SPATA17: variants seen among roughly 807,000 people sequenced by gnomAD.
The protein encoded by SPATA17 is spermatogenesis-associated protein 17.
In SPATA17, 53 loss-of-function variants were observed where a neutral mutation model predicts 62.2. The observed-to-expected ratio is 0.85, with a 90% CI of 0.68 to 1.07. The LOEUF (loss-of-function observed/expected upper bound fraction) is 1.07. Ranked by LOEUF, SPATA17 falls within the 50% of genes least tolerant of loss-of-function variation. The pLI is 0.00. For missense variants in SPATA17, 466 were observed against 425.5 expected, an observed-to-expected ratio of 1.10 and a Z score of -0.84; for synonymous variants, 146 against 146.8, an observed-to-expected ratio of 0.99 and a Z score of 0.04.
intron 5 of SPATA17, among the ~76,000 whole-genome samples, chr1:217,689,910 T>C (rs908773332): frequency 2.0e-5 from 3 of 151,342 alleles, no homozygotes; most frequent in Non-Finnish European, 4.4e-5. Flanking sequence ...TCTTTTTCTT[T>C]TTTTTTTTTT....
At chr1:217,828,498 C>CTTTTTTTTTTTTTTTTTTTTTTTTTTTTT (rs1285975400) in intron 9 of SPATA17, among the ~76,000 whole-genome samples, 1 of 138,250 alleles carries the variant, frequency 7.2e-6, no homozygotes, top group Non-Finnish European at 1.6e-5. Flanking sequence ...GGTAGAACTT[C>CTTTTTTTTTTTTTTTTTTTTTTTTTTTTT]TTTGATATTG....
intron 5 of SPATA17, among the ~76,000 whole-genome samples, chr1:217,735,727 G>T (rs1048494315): frequency 2.6e-5 from 4 of 152,054 alleles, no homozygotes; most frequent in African/African-American, 4.8e-5. Context: ...TGGAGGTTTT[G>T]TGTTTTTTGT....
chr1:217,700,809 T>C (rs1479563527), intron 5 of SPATA17, among the ~76,000 whole-genome samples: 1 of 150,120 alleles, frequency 6.7e-6, no homozygotes, highest in Non-Finnish European at 1.5e-5. Context: ...TTTCACCATG[T>C]TGGCCAGGCT....
chr1:217,772,975 G>A (rs568967497), intron 6 of SPATA17, among the ~76,000 whole-genome samples: 42 of 151,310 alleles, frequency 2.8e-4, no homozygotes, highest in African/African-American at 1.0e-3. Context: ...CATTTGGGAT[G>A]GGACGTTGCA....
intron 5 of SPATA17, among the ~76,000 whole-genome samples, chr1:217,720,511 T>C (rs1257843267): frequency 2.6e-5 from 4 of 152,144 alleles, no homozygotes; most frequent in African/African-American, 7.2e-5. Context: ...TTACCAGTGA[T>C]AACTAAAGGC....
chr1:217,808,630 G>T (rs1408476030), intron 9 of SPATA17, among the ~76,000 whole-genome samples: 1 of 152,128 alleles, frequency 6.6e-6, no homozygotes, highest in Non-Finnish European at 1.5e-5. Flanking sequence ...GAGGTGGGCA[G>T]ATCCCAAGGT....
intron 9 of SPATA17, among the ~76,000 whole-genome samples, chr1:217,855,541 A>G (rs1007443840): frequency 6.6e-6 from 1 of 152,194 alleles, no homozygotes; most frequent in Middle Eastern, 3.4e-3. Flanking sequence ...CTTCTGACAT[A>G]TCTTTATATC....
intron 9 of SPATA17, among the ~76,000 whole-genome samples, chr1:217,833,346 A>G (rs998811073): frequency 6.6e-6 from 1 of 152,216 alleles, no homozygotes; most frequent in African/African-American, 2.4e-5. Context: ...CATCTCTCTC[A>G]TATTGAAACT....
chr1:217,698,270 C>A (rs1029963137), intron 5 of SPATA17, among the ~76,000 whole-genome samples: 1 of 152,054 alleles, frequency 6.6e-6, no homozygotes, highest in Non-Finnish European at 1.5e-5. Flanking sequence ...CCTGTCTCTA[C>A]TAAAAATACA....
At chr1:217,676,779 G>T (rs999139890) in intron 4 of SPATA17, among the ~76,000 whole-genome samples, 2 of 152,070 alleles carry the variant, frequency 1.3e-5, no homozygotes, top group Non-Finnish European at 2.9e-5. Flanking sequence ...GCATCTTAGA[G>T]ATCTCTCTTA....
intron 9 of SPATA17, among the ~76,000 whole-genome samples, chr1:217,811,216 T>G (rs1284544217): frequency 6.6e-6 from 1 of 151,920 alleles, no homozygotes; most frequent in Non-Finnish European, 1.5e-5. Flanking sequence ...GTATTTTTTG[T>G]AGAGATGGGG....
chr1:217,756,919 G>A (rs1007049313), intron 6 of SPATA17, among the ~76,000 whole-genome samples: 22 of 152,136 alleles, frequency 1.4e-4, no homozygotes, highest in African/African-American at 4.8e-4. Context: ...ATGAGACGAA[G>A]GGATGTTTAT....
intron 2 of SPATA17, among the ~76,000 whole-genome samples, chr1:217,650,076 A>G (rs937543979): frequency 6.6e-6 from 1 of 151,514 alleles, no homozygotes; most frequent in Admixed American, 6.6e-5. Flanking sequence ...GGTAGCTGGG[A>G]TTACAGGCAT....
chr1:217,843,820 T>C (rs2103008094), intron 9 of SPATA17, among the ~76,000 whole-genome samples: 1 of 152,314 alleles, frequency 6.6e-6, no homozygotes, highest in South Asian at 2.1e-4. Flanking sequence ...CTAATCCCTT[T>C]TCTATAGAAT....
chr1:217,789,515 T>G (rs186823867), intron 8 of SPATA17, among the ~76,000 whole-genome samples: 2 of 152,288 alleles, frequency 1.3e-5, no homozygotes, highest in African/African-American at 4.8e-5. Context: ...AGCTCATGCT[T>G]AAGACCCAAC....
At chr1:217,787,770 C>T (rs983955079) in intron 8 of SPATA17, among the ~76,000 whole-genome samples, 2 of 151,898 alleles carry the variant, frequency 1.3e-5, no homozygotes, top group Non-Finnish European at 2.9e-5. Flanking sequence ...GCAGAGGTAT[C>T]TATTGTCAAC....
intron 4 of SPATA17, among the ~76,000 whole-genome samples, 195 bp downstream of exon 4, chr1:217,669,278 A>G (rs576712286): frequency 6.6e-6 from 1 of 152,328 alleles, no homozygotes; most frequent in African/African-American, 2.4e-5. Context: ...AATGTAAAAC[A>G]TGTAATTATA....
chr1:217,637,276 A>C (rs1033153317), intron 1 of SPATA17, among the ~76,000 whole-genome samples: 1 of 152,172 alleles, frequency 6.6e-6, no homozygotes, highest in Non-Finnish European at 1.5e-5. Flanking sequence ...CAGACCATCT[A>C]TATTACTTGC....
chr1:217,730,712 A>G (rs986648622), intron 5 of SPATA17, among the ~76,000 whole-genome samples: 2 of 152,114 alleles, frequency 1.3e-5, no homozygotes, highest in African/African-American at 4.8e-5. Context: ...GCTTTGAGGA[A>G]CGGATGGACT....
Sources: allele counts gnomAD v4.1 joint callset (sites outside exome capture counted in the v4.1 genomes callset), GRCh38; gene constraint gnomAD v4.1.1; transcripts MANE v1.5; gene names NCBI Gene and HGNC (gene_info 2026-07-23, HGNC 2026-07-21).